Variants in FAM50B observed in about 807,000 individuals in gnomAD.
The protein encoded by FAM50B is family with sequence similarity 50 member B.
A neutral mutation model predicts 25.4 loss-of-function variants in FAM50B; 9 were observed. The ratio of observed to expected loss-of-function variants is 0.35; its 90% CI spans 0.21 to 0.62. The LOEUF is 0.62. Ranked by LOEUF, FAM50B falls within the 20% of genes least tolerant of loss-of-function variation. The pLI, the probability that FAM50B is intolerant of heterozygous loss-of-function variation, is 0.73. For missense variants in FAM50B, 372 were observed against 477.9 expected, an observed-to-expected ratio of 0.78 and a Z score of 2.07; for synonymous variants, 212 against 204.3, an observed-to-expected ratio of 1.04 and a Z score of -0.32.
At chr6:3,842,410 G>A in the FAM50B span, among the ~76,000 whole-genome samples, 1 of 152,270 alleles carries the variant, frequency 6.6e-6, no homozygotes, top group East Asian at 1.9e-4. Context: ...CATCTTCTAC[G>A]TTCCTTTAAG....
In FAM50B at chr6:3,850,728, C is replaced by T. The variant is rs1483546764; in HGVS notation, c.917C>T (p.Pro306Leu). Residue 306 changes from proline to leucine, a missense_variant, in exon 2 of 2, where the codon CCC becomes CTC. Pro to Leu is a moderately conservative substitution (Grantham distance 98). This residue lies in a region of FAM50B where 57 missense variants were observed against 65.8 expected (regional missense o/e 0.87). Transcript: ENST00000648326. ...SWYEKNKHIFPASRWEAYDPE... is the reference protein window; with the variant it reads ...SWYEKNKHIFLASRWEAYDPE... ...TACGAGAAGAACAAGCACATCTTCC[C>T]CGCCAGCCGCTGGGAGGCCTATGAC... 1.9e-6 allele frequency: 3 copies of T among 1,613,972 alleles called. No individual in the cohort carries two copies. The highest frequency in any genetic ancestry group is 2.5e-6 in the Non-Finnish European group (3 of 1,180,038).
At chr6:3,832,962 A>G in the FAM50B span, among the ~76,000 whole-genome samples, 1 of 152,012 alleles carries the variant, frequency 6.6e-6, no homozygotes, top group Non-Finnish European at 1.5e-5. Context: ...CCCAGGTTCA[A>G]GCGATTCTCC....
chr6:3,850,201 G>C lies in FAM50B; in HGVS notation c.390G>C (p.Gln130His), dbSNP rs1259968351. 1 of 1,613,382 alleles carries C rather than the reference G, an allele frequency of 6.2e-7. No individual in the cohort carries two copies. The highest frequency in any genetic ancestry group is 1.7e-5 in the Admixed American group (1 of 60,012). Residue 130 changes from glutamine to histidine, a missense_variant, in exon 2 of 2, where the codon CAG becomes CAC. By Grantham distance (24) the Gln-to-His change is conservative (BLOSUM62 0). Around this residue, in one of 4 missense-constraint regions of FAM50B, gnomAD observed 224 missense variants for 232.2 expected, o/e 0.96. Transcript: ENST00000648326. ...TTGCACTAGACGACCTCGATGACCA[G>C]GCCGACGCGGCCGAGGCCAGGCGCG... Reference protein sequence around the residue: ...LSFALDDLDDQADAAEARRAG... With the variant: ...LSFALDDLDDHADAAEARRAG...
chr6:3,847,799 G>C (rs1015187589), upstream of FAM50B, among the ~76,000 whole-genome samples: 5 of 152,204 alleles, frequency 3.3e-5, no homozygotes, highest in Admixed American at 1.3e-4. Flanking sequence ...TTTAAAGTGA[G>C]AGACGTGTGA....
upstream of FAM50B, among the ~76,000 whole-genome samples, chr6:3,848,283 A>C (rs560947275): frequency 6.6e-6 from 1 of 152,366 alleles, no homozygotes; most frequent in South Asian, 2.1e-4. Context: ...TGGGGCAACA[A>C]TGAGAAGGCT....
chr6:3,836,405 A>G, the FAM50B span, among the ~76,000 whole-genome samples: 194 of 152,348 alleles, frequency 1.3e-3, 1 homozygote, highest in African/African-American at 4.2e-3. Context: ...CTCAAGGATA[A>G]AATGCAGGAA....
the FAM50B span, among the ~76,000 whole-genome samples, chr6:3,835,283 G>C: frequency 1.3e-5 from 2 of 152,218 alleles, no homozygotes; most frequent in African/African-American, 4.8e-5. Context: ...AGCGTTCACT[G>C]TCCTAGAGTT....
the FAM50B span, among the ~76,000 whole-genome samples, chr6:3,842,629 T>A: frequency 1.1e-4 from 17 of 152,322 alleles, no homozygotes; most frequent in Middle Eastern, 3.4e-3. Flanking sequence ...AAACAAAAGA[T>A]GTTCCACCCT....
chr6:3,850,897 A>G lies in FAM50B; in HGVS notation c.*108A>G. ...CTTGATTTCTTCCCCCAAATTTAAT[A>G]AAGACAGAGGGTTCTCATGATTCAC... On this transcript the variant is annotated 3_prime_UTR_variant, in exon 2 of 2. Coordinates refer to ENST00000648326, the MANE Select transcript of FAM50B (RefSeq NM_012135.3). 1.4e-6 allele frequency: 2 copies of G among 1,481,016 alleles called. No individual in the cohort carries two copies. The highest frequency in any genetic ancestry group is 1.8e-6 in the Non-Finnish European group (2 of 1,103,658). 91.7% of individuals were successfully genotyped at this position (1,481,016 alleles called of 1,614,324 possible). A position where few individuals can be genotyped will look rare whatever the true frequency, so the allele number is the denominator to read the frequency against.
the FAM50B span, among the ~76,000 whole-genome samples, chr6:3,836,655 A>T: frequency 2.0e-5 from 3 of 152,368 alleles, no homozygotes; most frequent in African/African-American, 7.2e-5. Flanking sequence ...TCTTAGGAAC[A>T]GTGTGTCTGA....
rs1349269141 is a variant in FAM50B, at chr6:3,850,409, A to T, written c.598A>T (p.Thr200Ser). The T allele has an allele frequency of 2.5e-6, 4 of 1,613,258 alleles. No individual in the cohort carries two copies. Among genetic ancestry groups the T allele is most frequent in the Non-Finnish European group, 2.5e-6 (3 of 1,179,932 alleles). ...CTGGGACGGCTCGGGCCACCGGCGC[A>T]CGGTGCGGGTGCGCAAGGGCAACAC... Reference protein sequence around the residue: ...SYWDGSGHRRTVRVRKGNTVQ... With the variant: ...SYWDGSGHRRSVRVRKGNTVQ... Residue 200 changes from threonine (T) to serine (S), a missense_variant, in exon 2 of 2, where the codon ACG becomes TCG. Around this residue, in one of 4 missense-constraint regions of FAM50B, gnomAD observed 224 missense variants for 232.2 expected, o/e 0.96. Coordinates refer to ENST00000648326, the MANE Select transcript of FAM50B (RefSeq NM_012135.3).
the FAM50B span, among the ~76,000 whole-genome samples, chr6:3,840,589 C>T: frequency 7.2e-5 from 11 of 152,188 alleles, no homozygotes; most frequent in South Asian, 2.1e-4. Flanking sequence ...CGAACGGAGC[C>T]GAGCACCACT....
At chr6:3,836,612 G>A in the FAM50B span, among the ~76,000 whole-genome samples, 28 of 152,190 alleles carry the variant, frequency 1.8e-4, no homozygotes, top group African/African-American at 6.8e-4. Context: ...AAGAAAACAT[G>A]GCTGTGTGTT....
the FAM50B span, among the ~76,000 whole-genome samples, chr6:3,839,054 A>C: frequency 2.0e-5 from 3 of 151,794 alleles, no homozygotes; most frequent in South Asian, 6.2e-4. Flanking sequence ...TGTTGCTATA[A>C]ATACCTGAGA....
rs747619014 is a variant in FAM50B at position 3,849,845 on chromosome 6, G to A, written c.34G>A (p.Gly12Ser). Residue 12 changes from glycine to serine, a missense_variant, in exon 2 of 2, where the codon GGC (glycine) becomes AGC (serine). Transcript: ENST00000648326. Reference sequence around the variant, plus strand: ...GTACAAGGGCACCATGCGCGAGGCAGGCCGTGCCATGCACCTCCTCAAGAA... The same window carrying A: ...GTACAAGGGCACCATGCGCGAGGCAAGCCGTGCCATGCACCTCCTCAAGAA... ...AQYKGTMREA[G>S]RAMHLLKKRE... 1.9e-6 allele frequency: 3 copies of A among 1,612,644 alleles called. No homozygotes were observed. The African/African-American group carries it at 4.0e-5, about 22-fold the overall frequency.
chr6:3,850,576 C>A lies in FAM50B; in HGVS notation c.765C>A (p.Ile255=). ...ACCACACCTTCTACGACTTCATCATCGCCAGGGCGAGGGGCAAGAGCGGGC... is the reference window on the plus strand; with the variant it reads ...ACCACACCTTCTACGACTTCATCATAGCCAGGGCGAGGGGCAAGAGCGGGC... ...PHYHTFYDFI[I]ARARGKSGPL... Residue 255 remains isoleucine (I), a synonymous_variant, in exon 2 of 2, where the codon ATC becomes ATA. Transcript: ENST00000648326. 1 of 1,614,116 alleles carries A rather than the reference C, an allele frequency of 6.2e-7. No individual in the cohort carries two copies. Among genetic ancestry groups the A allele is most frequent in the Non-Finnish European group, 8.5e-7 (1 of 1,180,036 alleles).
chr6:3,841,089 A>T, the FAM50B span, among the ~76,000 whole-genome samples: 1 of 152,228 alleles, frequency 6.6e-6, no homozygotes, highest in Non-Finnish European at 1.5e-5. Flanking sequence ...AAGTCTGCAG[A>T]TAGTTAAAAG....
intron 1 of FAM50B, 93 bp downstream of exon 1, chr6:3,849,579 C>T: frequency 1.5e-6 from 1 of 651,488 alleles, no homozygotes; most frequent in African/African-American, 1.8e-5. Context: ...TTACGTGGGG[C>T]CGTTCGCATT....
the FAM50B span, among the ~76,000 whole-genome samples, chr6:3,833,420 A>G: frequency 6.6e-6 from 1 of 152,204 alleles, no homozygotes; most frequent in Non-Finnish European, 1.5e-5. Flanking sequence ...TGTATCAACC[A>G]GGACCGTGTG....
Sources: allele counts gnomAD v4.1 joint callset (sites outside exome capture counted in the v4.1 genomes callset), GRCh38; gene constraint gnomAD v4.1.1; regional missense constraint gnomAD v4.1.1; transcripts MANE v1.5; gene names NCBI Gene and HGNC (gene_info 2026-07-23, HGNC 2026-07-21).